The following LRBA variants were observed in gnomAD, a reference collection of about 807,000 sequenced individuals.
LRBA encodes the protein LPS responsive beige-like anchor protein.
LRBA carries 176 observed loss-of-function variants against 330.0 expected under a neutral mutation model. The ratio of observed to expected loss-of-function variants is 0.53; its 90% confidence interval spans 0.47 to 0.60. The LOEUF (loss-of-function observed/expected upper bound fraction) is 0.60. Ranked by LOEUF, LRBA falls within the 20% of genes least tolerant of loss-of-function variation. The pLI, the probability that LRBA is intolerant of heterozygous loss-of-function variation, is 0.00. For missense variants in LRBA, 3,259 were observed against 3,444.8 expected (o/e 0.95, Z 1.35); for synonymous variants, 1,230 against 1,193.0 (o/e 1.03, Z -0.64).
intron 34 of LRBA, among the ~76,000 whole-genome samples, chr4:150,789,104 T>A (rs1739530654): frequency 6.6e-6 from 1 of 151,970 alleles, no homozygotes; most frequent in Non-Finnish European, 1.5e-5. Context: ...TCAAAATCTA[T>A]CATCACAGTA....
intron 40 of LRBA, among the ~76,000 whole-genome samples, chr4:150,569,353 G>C (rs1375738530): frequency 6.6e-6 from 1 of 152,102 alleles, no homozygotes; most frequent in Admixed American, 6.6e-5. Flanking sequence ...ATGAAACAAG[G>C]AAAATTATAT....
intron 40 of LRBA, among the ~76,000 whole-genome samples, chr4:150,548,858 T>C (rs1036276863): frequency 1.3e-5 from 2 of 152,156 alleles, no homozygotes; most frequent in Admixed American, 1.3e-4. Flanking sequence ...ATGAGGAAGC[T>C]AAGTTTTTAA....
At chr4:150,442,841 T>C (rs575971230) in intron 44 of LRBA, among the ~76,000 whole-genome samples, 3 of 152,224 alleles carry the variant, frequency 2.0e-5, no homozygotes, top group Admixed American at 2.0e-4. Context: ...TAAAAGAGGA[T>C]AGATACACTA....
chr4:150,692,016 T>C (rs1182395986), intron 36 of LRBA, among the ~76,000 whole-genome samples: 1 of 152,158 alleles, frequency 6.6e-6, no homozygotes, highest in East Asian at 1.9e-4. Context: ...TGTCTGGGAT[T>C]GGATATGAGT....
intron 15 of LRBA, among the ~76,000 whole-genome samples, chr4:150,897,500 G>A (rs1730217995): frequency 6.6e-6 from 1 of 151,910 alleles, no homozygotes; most frequent in East Asian, 1.9e-4. Context: ...GAACACACTT[G>A]AGCTACTATA....
intron 36 of LRBA, among the ~76,000 whole-genome samples, chr4:150,730,560 T>G (rs1730303246): frequency 2.0e-5 from 3 of 150,502 alleles, no homozygotes; most frequent in East Asian, 2.0e-4. Flanking sequence ...GCACAGGCCT[T>G]TAATCCCAGC....
intron 35 of LRBA, among the ~76,000 whole-genome samples, chr4:150,751,616 G>A (rs1733563778): frequency 6.6e-6 from 1 of 151,882 alleles, no homozygotes; most frequent in Admixed American, 6.6e-5. Flanking sequence ...TCAAAATGTT[G>A]GGTTTACTGT....
intron 33 of LRBA, among the ~76,000 whole-genome samples, chr4:150,799,983 G>C (rs986558418): frequency 6.6e-6 from 1 of 152,202 alleles, no homozygotes; most frequent in Non-Finnish European, 1.5e-5. Flanking sequence ...GACCTCAGGT[G>C]ATTCGCCAAC....
At chr4:150,772,146 C>T (rs569241634) in intron 34 of LRBA, among the ~76,000 whole-genome samples, 268 of 152,274 alleles carry the variant, frequency 1.8e-3, no homozygotes, top group Non-Finnish European at 2.5e-3. Context: ...CAATCAGGTA[C>T]ACTCCTCAAA....
chr4:150,266,615 A>T (rs1452573679), intron 56 of LRBA, among the ~76,000 whole-genome samples: 10 of 152,224 alleles, frequency 6.6e-5, no homozygotes, highest in Non-Finnish European at 2.9e-5. Context: ...ATGTGTCACT[A>T]CAAAAAAAAT....
At chr4:150,782,945 G>A (rs1002607356) in intron 34 of LRBA, among the ~76,000 whole-genome samples, 2 of 151,940 alleles carry the variant, frequency 1.3e-5, no homozygotes, top group African/African-American at 4.8e-5. Context: ...AACAAATCAA[G>A]TCACCTTATG....
At chr4:150,267,346 T>TAATAG (rs1173621103) in intron 56 of LRBA, among the ~76,000 whole-genome samples, 1 of 152,134 alleles carries the variant, frequency 6.6e-6, no homozygotes, top group African/African-American at 2.4e-5. Context: ...TTTCTGATCA[T>TAATAG]AATAGAATGA....
At chr4:150,310,655 C>T in intron 51 of LRBA, 1 of 297,086 alleles carries the variant, frequency 3.4e-6, no homozygotes, top group Non-Finnish European at 6.3e-6. Context: ...AACATGCTTT[C>T]TAGCTCTTGG....
chr4:150,578,017 G>A (rs1770757424), intron 40 of LRBA, among the ~76,000 whole-genome samples: 1 of 152,180 alleles, frequency 6.6e-6, no homozygotes, highest in African/African-American at 2.4e-5. Flanking sequence ...GTGCAGGAAT[G>A]TATAAAAATG....
intron 3 of LRBA, 70 bp downstream of exon 3, chr4:150,928,764 T>C: frequency 7.1e-7 from 1 of 1,399,850 alleles, no homozygotes; most frequent in Non-Finnish European, 9.9e-7. Flanking sequence ...CTAAATGGAA[T>C]AAGAAAAATA....
At chr4:150,789,084 A>C (rs1410307162) in intron 34 of LRBA, among the ~76,000 whole-genome samples, 2 of 152,058 alleles carry the variant, frequency 1.3e-5, no homozygotes, top group Admixed American at 6.6e-5. Context: ...AAAAAAATAT[A>C]TATATATATT....
chr4:150,695,150 T>C (rs1784515867), intron 36 of LRBA, among the ~76,000 whole-genome samples: 1 of 152,094 alleles, frequency 6.6e-6, no homozygotes, highest in Admixed American at 6.5e-5. Flanking sequence ...GTTTGGAAAA[T>C]AAAGTAAACT....
At chr4:150,284,980 C>T (rs932299753) in intron 54 of LRBA, among the ~76,000 whole-genome samples, 94 of 152,272 alleles carry the variant, frequency 6.2e-4, no homozygotes, top group African/African-American at 2.2e-3. Flanking sequence ...GTTCATTTTA[C>T]GACTCCTGTT....
At chr4:150,486,386 T>C (rs1188656026) in intron 42 of LRBA, among the ~76,000 whole-genome samples, 1 of 151,766 alleles carries the variant, frequency 6.6e-6, no homozygotes, top group Non-Finnish European at 1.5e-5. Flanking sequence ...AGGTAGCATA[T>C]TTTTTATTAT....
Sources: allele counts gnomAD v4.1 joint callset (sites outside exome capture counted in the v4.1 genomes callset), GRCh38; gene constraint gnomAD v4.1.1; transcripts MANE v1.5; gene names NCBI Gene and HGNC (gene_info 2026-07-23, HGNC 2026-07-21).